Variants in KAZN observed in about 807,000 individuals in gnomAD.
KAZN encodes kazrin, periplakin interacting protein.
Under a neutral mutation model 87.4 loss-of-function variants are expected in KAZN, and 40 were observed. That is an observed-to-expected ratio of 0.46 (90% CI 0.36 to 0.60). The LOEUF is 0.60. Among genes scored for constraint, KAZN ranks in the 20% least tolerant of loss-of-function variants. KAZN has a pLI of 0.00. For missense variants in KAZN, 898 were observed against 1,073.9 expected (o/e 0.84, Z 2.29); for synonymous variants, 466 against 458.3 (o/e 1.02, Z -0.22).
intron 1 of KAZN, among the ~76,000 whole-genome samples, chr1:14,765,332 A>T (rs1042034362): frequency 1.1e-4 from 17 of 152,358 alleles, no homozygotes; most frequent in East Asian, 3.9e-4. Context: ...TGGCCCTGAG[A>T]ACCTTCAGAG....
intron 1 of KAZN, among the ~76,000 whole-genome samples, chr1:14,925,099 G>T (rs529494988): frequency 6.6e-6 from 1 of 152,376 alleles, no homozygotes; most frequent in Admixed American, 6.5e-5. Flanking sequence ...AATTGCAGAG[G>T]TGGAGACACA....
chr1:13,952,423 AC>A (rs1372182398), intron 1 of KAZN, among the ~76,000 whole-genome samples: 4 of 151,902 alleles, frequency 2.6e-5, no homozygotes, highest in African/African-American at 9.7e-5. Flanking sequence ...ATAGGATGAA[AC>A]AGAATGGCCA....
rs117873784 is a variant in KAZN at position 14,942,047 on chromosome 1, T to C, written c.227-18637T>C. 2.4e-4 allele frequency among the ~76,000 whole-genome samples: 36 copies of C among 152,326 alleles called. No individual in the cohort carries two copies. In the East Asian group the frequency reaches 6.7e-3, roughly 29 times the overall value. ...ATACAGGGCTTGTTCGTGTCCCAAG[T>C]CGTGTTACAATGCAAACACCTGCTC... On this transcript the variant is annotated intron_variant, in intron 1 of 14. Coordinates refer to ENST00000376030, the MANE Select transcript of KAZN (RefSeq NM_201628.3).
At chr1:14,576,744 A>G (rs1188702727) in intron 2 of KAZN, among the ~76,000 whole-genome samples, 2 of 152,208 alleles carry the variant, frequency 1.3e-5, no homozygotes, top group Non-Finnish European at 2.9e-5. Flanking sequence ...GTTAATCTGC[A>G]GGTGTTGCTT....
chr1:14,475,823 G>A (rs1038869576), intron 2 of KAZN, among the ~76,000 whole-genome samples: 16 of 151,724 alleles, frequency 1.1e-4, no homozygotes, highest in African/African-American at 3.4e-4. Context: ...TCTTTTTTAC[G>A]CTAAATAATT....
At chr1:14,699,596 A>G (rs1641807359) in intron 1 of KAZN, among the ~76,000 whole-genome samples, 1 of 152,208 alleles carries the variant, frequency 6.6e-6, no homozygotes, top group Non-Finnish European at 1.5e-5. Flanking sequence ...AAAAACAGGC[A>G]CTGCAAGAGA....
chr1:15,093,196 A>T (rs555764296), intron 8 of KAZN, among the ~76,000 whole-genome samples: 35 of 152,170 alleles, frequency 2.3e-4, no homozygotes, highest in Admixed American at 3.9e-4. Flanking sequence ...CTCCACAGCG[A>T]AAGTGAACAG....
intron 1 of KAZN, among the ~76,000 whole-genome samples, chr1:14,857,244 G>A (rs1261741413): frequency 2.0e-5 from 3 of 152,196 alleles, no homozygotes; most frequent in Non-Finnish European, 4.4e-5. Flanking sequence ...CGCAGTGCTG[G>A]CCAGGCGTGG....
chr1:14,075,145 G>A lies in KAZN; in HGVS notation c.92-105290G>A, dbSNP rs551944324. Among the ~76,000 whole-genome samples, 5 of 152,244 alleles carry A rather than the reference G, an allele frequency of 3.3e-5. No individual in the cohort carries two copies. In the South Asian group the frequency reaches 1.0e-3, roughly 32 times the overall value. On this transcript the variant is annotated intron_variant, in intron 1 of 16. Coordinates refer to the KAZN transcript ENST00000636203. ...TATTTGTATTAAGTGGTTGTATAAT[G>A]GGGAATTTGAATATAAATACCTGGT...
intron 2 of KAZN, among the ~76,000 whole-genome samples, chr1:14,356,453 G>T (rs939226509): frequency 3.3e-5 from 5 of 152,058 alleles, no homozygotes; most frequent in Non-Finnish European, 7.4e-5. Flanking sequence ...GTCAATTTTG[G>T]CTTTTGTTGC....
intron 1 of KAZN, among the ~76,000 whole-genome samples, chr1:14,156,948 G>A (rs560267291): frequency 6.6e-6 from 1 of 150,440 alleles, no homozygotes; most frequent in East Asian, 1.9e-4. Flanking sequence ...TTTGGTGAAG[G>A]TGATGTTTCT....
At chr1:14,002,288 C>G (rs560816594) in intron 1 of KAZN, among the ~76,000 whole-genome samples, 1 of 152,180 alleles carries the variant, frequency 6.6e-6, no homozygotes, top group East Asian at 1.9e-4. Flanking sequence ...TGGCTGTGTC[C>G]CCACACAAAT....
In KAZN at chr1:14,081,727, G is replaced by A. The variant is rs373950018; in HGVS notation, c.92-98708G>A. 1.6e-4 allele frequency among the ~76,000 whole-genome samples: 25 copies of A among 151,876 alleles called. No individual in the cohort carries two copies. The East Asian group carries it at 4.3e-3, about 26-fold the overall frequency. On this transcript the variant is annotated intron_variant, in intron 1 of 16. Coordinates refer to the KAZN transcript ENST00000636203. The stretch of plus-strand genomic sequence containing the variant: ...AACTTGAGGACACATAGACACTTGT[G>A]TGCACTCTGTCCCTTTTGCTTTGTT...
At chr1:14,056,912 C>T (rs1459883450) in intron 1 of KAZN, among the ~76,000 whole-genome samples, 1 of 151,904 alleles carries the variant, frequency 6.6e-6, no homozygotes, top group Non-Finnish European at 1.5e-5. Context: ...GGTTTGGTGG[C>T]TCATGCCTGT....
chr1:14,441,989 A>G (rs998085922), intron 2 of KAZN, among the ~76,000 whole-genome samples: 4 of 152,180 alleles, frequency 2.6e-5, no homozygotes, highest in Admixed American at 2.6e-4. Context: ...AGGGTTGAGC[A>G]GGTTGTGCAC....
chr1:14,131,955 A>T (rs780257974), intron 1 of KAZN, among the ~76,000 whole-genome samples: 5 of 152,146 alleles, frequency 3.3e-5, no homozygotes, highest in Non-Finnish European at 5.9e-5. Flanking sequence ...TAACATATCA[A>T]TTCCCAATGA....
Position 14,068,761 on chromosome 1 carries a change from C to G in KAZN, c.92-111674C>G, listed in dbSNP as rs549730003. Among the ~76,000 whole-genome samples, 16 of 151,502 alleles carry G rather than the reference C, an allele frequency of 1.1e-4. No individual in the cohort carries two copies. In the South Asian group the frequency reaches 3.3e-3, roughly 32 times the overall value. Reference sequence around the variant, plus strand: ...GAACTTCTTCTTCAAGTTTTTGTGTCTGACCAGAAATCAGGAAGCAAGAAG... The same window carrying G: ...GAACTTCTTCTTCAAGTTTTTGTGTGTGACCAGAAATCAGGAAGCAAGAAG... On this transcript the variant is annotated intron_variant, in intron 1 of 16. Coordinates refer to the KAZN transcript ENST00000636203.
intron 1 of KAZN, among the ~76,000 whole-genome samples, chr1:13,964,150 C>G (rs1234652499): frequency 6.6e-6 from 1 of 152,176 alleles, no homozygotes; most frequent in East Asian, 1.9e-4. Context: ...ATATACAATC[C>G]TAGGCATATT....
intron 2 of KAZN, among the ~76,000 whole-genome samples, chr1:14,459,977 C>T (rs1667774333): frequency 1.3e-5 from 2 of 152,090 alleles, no homozygotes; most frequent in East Asian, 1.9e-4. Flanking sequence ...GTAGAGTAAG[C>T]TTTAGGCAGG....
Sources: gnomAD v4.1 joint callset for allele counts (sites outside exome capture counted in the v4.1 genomes callset) on GRCh38, gnomAD v4.1.1 for gene constraint, MANE v1.5 for transcripts, NCBI Gene and HGNC (gene_info 2026-07-23, HGNC 2026-07-21) for gene names.